NAT10: variants seen among roughly 807,000 people sequenced by gnomAD.
NAT10 encodes the protein N-acetyltransferase 10.
Under a neutral mutation model 132.2 loss-of-function variants are expected in NAT10, and 109 were observed. The observed-to-expected ratio is 0.82, with a 90% CI of 0.71 to 0.97. The LOEUF (loss-of-function observed/expected upper bound fraction) is 0.97. Among genes scored for constraint, NAT10 ranks in the 50% least tolerant of loss-of-function variants. NAT10 has a pLI of 0.00. For missense variants in NAT10, 1,184 were observed against 1,263.4 expected, an observed-to-expected ratio of 0.94 and a Z score of 0.95; for synonymous variants, 479 against 478.0, an observed-to-expected ratio of 1.00 and a Z score of -0.03.
intron 12 of NAT10, among the ~76,000 whole-genome samples, chr11:34,127,814 G>GT (rs1554975237): frequency 6.6e-6 from 1 of 152,212 alleles, no homozygotes; most frequent in African/African-American, 2.4e-5. Flanking sequence ...AATGGGCAGT[G>GT]TAAGACTGAA....
At chr11:34,141,321 T>TCACACACACA in intron 25 of NAT10, 113 bp downstream of exon 25, 1 of 1,211,184 alleles carries the variant, frequency 8.3e-7, no homozygotes, top group South Asian at 1.4e-5. Flanking sequence ...CTGCATCTCG[T>TCACACACACA]CACACACACA....
rs1852133485 is a variant in NAT10, at chr11:34,133,062, C to T, written c.1654C>T (p.Pro552Ser). 1 of 1,614,172 alleles carries T rather than the reference C, an allele frequency of 6.2e-7. No individual in the cohort carries two copies. Among genetic ancestry groups the T allele is most frequent in the African/African-American group, 1.3e-5 (1 of 75,030 alleles). ...PNDLQMLSDA[P>S]AHHLFCLLPP... ...TGATCTCCAGATGCTCTCCGATGCA[C>T]CTGCTCACCATCTCTTCTGCCTTCT... Residue 552 changes from proline to serine, a missense_variant, in exon 16 of 29, where the codon CCT (proline) becomes TCT (serine). Physicochemically the swap from Pro to Ser is moderately conservative, Grantham distance 74. Coordinates refer to ENST00000257829, the MANE Select transcript of NAT10 (RefSeq NM_024662.3).
intron 3 of NAT10, among the ~76,000 whole-genome samples, chr11:34,110,275 C>T (rs1851670095): frequency 6.6e-6 from 1 of 151,978 alleles, no homozygotes; most frequent in Non-Finnish European, 1.5e-5. Context: ...CTGTCTCCAG[C>T]TCTGGTTGCT....
intron 8 of NAT10, among the ~76,000 whole-genome samples, chr11:34,121,689 G>A (rs183601428): frequency 6.8e-4 from 103 of 151,560 alleles, no homozygotes; most frequent in African/African-American, 1.8e-3. Flanking sequence ...GTGAAACCCC[G>A]TCTCTACTAA....
chr11:34,129,597 TTC>T (rs1232928622), intron 12 of NAT10, among the ~76,000 whole-genome samples: 7 of 130,820 alleles, frequency 5.4e-5, no homozygotes, highest in Admixed American at 1.7e-4. Context: ...CTTCTTCTTC[TTC>T]TTTTTTTTTT....
chr11:34,107,515 T>C (rs1456100310), intron 1 of NAT10, among the ~76,000 whole-genome samples: 1 of 152,272 alleles, frequency 6.6e-6, no homozygotes, highest in Non-Finnish European at 1.5e-5. Flanking sequence ...CTTTATACTT[T>C]GGTATTTCCT....
At chr11:34,135,071 A>T in intron 18 of NAT10, 104 bp from the exon 19 acceptor site, 1 of 845,314 alleles carries the variant, frequency 1.2e-6, no homozygotes, top group South Asian at 1.6e-5. Context: ...GTGCTGTTTG[A>T]CAGGGAGGGA....
In NAT10 at chr11:34,132,459, C is replaced by G. The variant is rs574440925; in HGVS notation, c.1617+238C>G. ...AGGAGTGCTTTCATTTCTTGCCTGCCTACTAAACTGATAGGATGAGGTGAC... is the reference window on the plus strand; with the variant it reads ...AGGAGTGCTTTCATTTCTTGCCTGCGTACTAAACTGATAGGATGAGGTGAC... On this transcript the variant is annotated intron_variant, in intron 15 of 28. Coordinates refer to ENST00000257829, the MANE Select transcript of NAT10 (RefSeq NM_024662.3). 6.6e-5 allele frequency among the ~76,000 whole-genome samples: 10 copies of G among 151,966 alleles called. No individual in the cohort carries two copies. In the East Asian group the frequency reaches 1.9e-3, roughly 29 times the overall value.
At chr11:34,130,626 C>T (rs1237169368) in intron 12 of NAT10, among the ~76,000 whole-genome samples, 187 bp from the exon 13 acceptor site, 1 of 152,248 alleles carries the variant, frequency 6.6e-6, no homozygotes, top group Non-Finnish European at 1.5e-5. Flanking sequence ...GCCCCAAGCT[C>T]AGCCACCGTG....
Position 34,108,208 on chromosome 11 carries a change from T to C in NAT10, c.-15-3T>C. 1 of 1,595,554 alleles carries C rather than the reference T, an allele frequency of 6.3e-7. No individual in the cohort carries two copies. Among genetic ancestry groups the C allele is most frequent in the Non-Finnish European group, 8.6e-7 (1 of 1,163,116 alleles). On this transcript the variant is annotated splice_region_variant and splice_polypyrimidine_tract_variant and intron_variant, in intron 1 of 28. Coordinates refer to ENST00000257829, the MANE Select transcript of NAT10 (RefSeq NM_024662.3). Reference sequence around the variant, plus strand: ...TGGCCAGTTGTATTTCTTTCTCTTTTAGTAATAATTTTTCACCATGCATCG... The same window carrying C: ...TGGCCAGTTGTATTTCTTTCTCTTTCAGTAATAATTTTTCACCATGCATCG...
rs867596578 is a variant in NAT10 at position 34,135,191 on chromosome 11, G to A, written c.1928G>A (p.Arg643His). Reference sequence around the variant, plus strand: ...TGCTCCTAGATGGGCTATGGCAGCCGTGCTCTGCAGCTGCTGCAGATGTAC... The same window carrying A: ...TGCTCCTAGATGGGCTATGGCAGCCATGCTCTGCAGCTGCTGCAGATGTAC... ...PDYQGMGYGS[R>H]ALQLLQMYYE... is the part of the protein sequence containing the mutation. Residue 643 changes from arginine (R) to histidine (H), a missense_variant, in exon 19 of 29, where the codon CGT (arginine) becomes CAT (histidine). By Grantham distance (29) the Arg-to-His change is conservative. Transcript: ENST00000257829. 2.5e-6 allele frequency: 4 copies of A among 1,614,030 alleles called. No homozygotes were observed. The highest frequency in any genetic ancestry group is 1.1e-5 in the South Asian group (1 of 91,068).
intron 3 of NAT10, among the ~76,000 whole-genome samples, chr11:34,111,371 A>G (rs1387499122): frequency 6.6e-6 from 1 of 152,246 alleles, no homozygotes; most frequent in Non-Finnish European, 1.5e-5. Context: ...CTAGCTATTA[A>G]GTTAGAGAAC....
At position 34,109,010 on chromosome 11, in the gene NAT10, A is replaced by C. The variant is rs74368162; in HGVS notation, c.200+177A>C. 2.0e-4 allele frequency among the ~76,000 whole-genome samples: 30 copies of C among 152,338 alleles called. No individual in the cohort carries two copies. In the East Asian group the frequency reaches 5.8e-3, roughly 29 times the overall value. On this transcript the variant is annotated intron_variant, in intron 3 of 28. Transcript: ENST00000257829. ...TGAAAATAAGTTTCAAATCATTTTC[A>C]TGCTTTTTAAGTCACCAATCCAATG...
At chr11:34,133,271 G>A (rs1852138987) in intron 16 of NAT10, 129 bp downstream of exon 16, 2 of 733,054 alleles carry the variant, frequency 2.7e-6, no homozygotes, top group Non-Finnish European at 4.7e-6. Flanking sequence ...CAAGGGGCTG[G>A]GTCTGCTGAG....
intron 8 of NAT10, among the ~76,000 whole-genome samples, chr11:34,120,407 GCTT>G (rs1305665630): frequency 2.0e-5 from 3 of 152,160 alleles, no homozygotes; most frequent in African/African-American, 7.2e-5. Flanking sequence ...AGAAACTCTG[GCTT>G]CCTGAAGCCT....
In NAT10 at chr11:34,118,402, A is replaced by G; in HGVS notation, c.679A>G (p.Ser227Gly). 6.2e-7 allele frequency: 1 copy of G among 1,613,936 alleles called. No individual in the cohort carries two copies. The highest frequency in any genetic ancestry group is 8.5e-7 in the Non-Finnish European group (1 of 1,179,902). ...EALPPQTPDE[S>G]LGPSDLELRE... Reference sequence around the variant, plus strand: ...CTTCTCCTCTCTCTGGTAGGATGAGAGTCTTGGTCCTTCTGATCTGGAGCT... The same window carrying G: ...CTTCTCCTCTCTCTGGTAGGATGAGGGTCTTGGTCCTTCTGATCTGGAGCT... The change falls in exon 8 of 29, where the codon AGT becomes GGT. Residue 227 changes from serine to glycine, a missense_variant. Transcript: ENST00000257829.
intron 15 of NAT10, 85 bp from the exon 16 acceptor site, chr11:34,132,941 G>A: frequency 9.4e-7 from 1 of 1,066,276 alleles, no homozygotes; most frequent in Non-Finnish European, 1.4e-6. Context: ...CCATACTGCA[G>A]TCATCCTGTG....
At chr11:34,140,263 CTG>C (rs1852296727) in intron 23 of NAT10, 135 bp from the exon 24 acceptor site, 2 of 826,090 alleles carry the variant, frequency 2.4e-6, no homozygotes, top group African/African-American at 3.4e-5. Context: ...TGGTGCCCCT[CTG>C]GGCCAGGGCT....
intron 13 of NAT10, 133 bp downstream of exon 13, chr11:34,131,070 G>A: frequency 1.5e-6 from 2 of 1,374,578 alleles, no homozygotes; most frequent in Non-Finnish European, 2.0e-6. Flanking sequence ...GAGTCCCCAA[G>A]AGGAGAAGTA....
Sources: gnomAD v4.1 joint callset for allele counts (sites outside exome capture counted in the v4.1 genomes callset) on GRCh38, gnomAD v4.1.1 for gene constraint, MANE v1.5 for transcripts, NCBI Gene and HGNC (gene_info 2026-07-23, HGNC 2026-07-21) for gene names.